Variants in NAA16 observed in about 807,000 individuals in gnomAD.
NAA16 encodes the protein N-alpha-acetyltransferase 16, NatA auxiliary subunit, also known as NARG1-like protein.
Under a neutral mutation model 110.3 loss-of-function variants are expected in NAA16, and 97 were observed. That is an observed-to-expected ratio of 0.88 (90% confidence interval 0.75 to 1.04). The LOEUF (loss-of-function observed/expected upper bound fraction) is 1.04, where lower values mean the gene tolerates loss of function less well. Among genes scored for constraint, NAA16 ranks in the 50% least tolerant of loss-of-function variants. The pLI, the probability that NAA16 is intolerant of heterozygous loss-of-function variation, is 0.00. For synonymous variants in NAA16, 372 were observed against 330.6 expected, an observed-to-expected ratio of 1.13 and a Z score of -1.36; for missense variants, 1,017 against 1,005.1, an observed-to-expected ratio of 1.01 and a Z score of -0.16.
At position 41,369,195 on chromosome 13, in the gene NAA16, A is replaced by C. The variant is rs1378850106; in HGVS notation, c.1859A>C (p.Gln620Pro). The change falls in exon 15 of 20, where the codon CAA becomes CCA. Residue 620 changes from glutamine to proline, a missense_variant. Transcript: ENST00000379406. Reference sequence around the variant, plus strand: ...AGAAAGCATGCAGAAAGAGAACGTCAACAGAAAAATCAAAAGAAAAAAAGA... The same window carrying C: ...AGAAAGCATGCAGAAAGAGAACGTCCACAGAAAAATCAAAAGAAAAAAAGA... ...EERKHAERER[Q>P]QKNQKKKRDE... 2 of 1,600,788 alleles carry C rather than the reference A, an allele frequency of 1.2e-6. No individual in the cohort carries two copies. Among genetic ancestry groups the C allele is most frequent in the Non-Finnish European group, 1.7e-6 (2 of 1,174,270 alleles).
chr13:41,358,354 C>G lies in NAA16; in HGVS notation c.1138C>G (p.Leu380Val). The part of the protein sequence containing the change: ...PTTLLWVQYF[L>V]AQHFDKLGQY... Reference sequence around the variant, plus strand: ...AACACTACTCTGGGTTCAGTATTTCCTGGCACAGCACTTTGATAAACTTGG... The same window carrying G: ...AACACTACTCTGGGTTCAGTATTTCGTGGCACAGCACTTTGATAAACTTGG... The change falls in exon 11 of 20, where the codon CTG (leucine) becomes GTG (valine). Residue 380 changes from leucine to valine, a missense_variant. Leu to Val is a conservative substitution (Grantham distance 32, BLOSUM62 1). Coordinates refer to ENST00000379406, the MANE Select transcript of NAA16 (RefSeq NM_024561.5). The G allele has an allele frequency of 2.5e-6, 4 of 1,613,928 alleles. No homozygotes were observed.
In NAA16 at chr13:41,336,668, T is replaced by C. The variant is rs1263656980; in HGVS notation, c.926T>C (p.Leu309Pro). The C allele has an allele frequency of 6.3e-7, 1 of 1,598,986 alleles. No homozygotes were observed. ...TTTCTAGGTGAAAGATTTAGAGAACTAATGGATAAGTTCCTGAGGGTTAAC... is the reference window on the plus strand; with the variant it reads ...TTTCTAGGTGAAAGATTTAGAGAACCAATGGATAAGTTCCTGAGGGTTAAC... ...TLVPGERFRELMDKFLRVNFS... is the reference protein window; with the variant it reads ...TLVPGERFREPMDKFLRVNFS... The change falls in exon 9 of 20, where the codon CTA becomes CCA. Residue 309 changes from leucine (L) to proline (P), a missense_variant. Coordinates refer to ENST00000379406, the MANE Select transcript of NAA16 (RefSeq NM_024561.5).
chr13:41,368,152 A>G (rs900367057), intron 14 of NAA16, among the ~76,000 whole-genome samples: 1 of 152,184 alleles, frequency 6.6e-6, no homozygotes, highest in Admixed American at 6.5e-5. Context: ...GAAAAAATAT[A>G]TAATCTTAAA....
intron 13 of NAA16, among the ~76,000 whole-genome samples, chr13:41,364,740 A>G (rs890954260): frequency 6.6e-6 from 1 of 152,184 alleles, no homozygotes; most frequent in Admixed American, 6.5e-5. Context: ...TCATAACTTT[A>G]TCTTCTATTG....
chr13:41,361,199 G>A (rs1389883313), intron 12 of NAA16, among the ~76,000 whole-genome samples: 2 of 152,064 alleles, frequency 1.3e-5, no homozygotes, highest in African/African-American at 4.8e-5. Context: ...TTTTTATTGA[G>A]CCTGAATTAA....
intron 9 of NAA16, among the ~76,000 whole-genome samples, chr13:41,339,434 T>G (rs1655183841): frequency 6.6e-6 from 1 of 151,776 alleles, no homozygotes; most frequent in South Asian, 2.1e-4. Context: ...CCACCGCGCC[T>G]GGCCGAAATG....
chr13:41,329,710 A>G (rs1475087510), intron 7 of NAA16, among the ~76,000 whole-genome samples: 1 of 151,976 alleles, frequency 6.6e-6, no homozygotes, highest in East Asian at 1.9e-4. Flanking sequence ...TTAAAATCAC[A>G]ATATTGATTA....
intron 8 of NAA16, 107 bp downstream of exon 8, chr13:41,331,476 C>G: frequency 1.4e-6 from 1 of 739,858 alleles, no homozygotes; most frequent in Non-Finnish European, 2.2e-6. Flanking sequence ...TTACAGCAGT[C>G]TTGGAGTTGG....
chr13:41,352,035 A>C (rs1246663737), intron 9 of NAA16, among the ~76,000 whole-genome samples: 1 of 152,214 alleles, frequency 6.6e-6, no homozygotes, highest in East Asian at 1.9e-4. Context: ...TGTTCACTTA[A>C]TTACTGAATG....
chr13:41,320,883 T>C, intron 4 of NAA16, 59 bp downstream of exon 4: 19 of 1,472,106 alleles, frequency 1.3e-5, no homozygotes, highest in Non-Finnish European at 1.7e-5. Flanking sequence ...TAAGAGCGTG[T>C]CATTTCAGAA....
Position 41,350,622 on chromosome 13 carries a change from TTGTTTG to T in NAA16, c.1015-4520_1015-4515del, listed in dbSNP as rs1190513963. Among the ~76,000 whole-genome samples the T allele has an allele frequency of 3.9e-4, 21 of 53,610 alleles. 1 individual carries two copies. Among genetic ancestry groups the T allele is most frequent in the African/African-American group, 2.0e-3 (17 of 8,430 alleles). 35.2% of individuals were successfully genotyped at this position (53,610 alleles called of 152,430 possible). A position where few individuals can be genotyped will look rare whatever the true frequency, so the allele number is the denominator to read the frequency against. On this transcript the variant is annotated intron_variant, in intron 9 of 19. Coordinates refer to ENST00000379406, the MANE Select transcript of NAA16 (RefSeq NM_024561.5). Reference sequence around the variant, plus strand: ...GTTTTTTTTTGTTTTTTTTTTTTGTTTGTTTGTTTTTTTTAAGATAAGAGTTTCACT... The same window carrying T: ...GTTTTTTTTTGTTTTTTTTTTTTGTTTTTTTTTTAAGATAAGAGTTTCACT...
intron 15 of NAA16, 58 bp from the exon 16 acceptor site, chr13:41,372,145 G>A: frequency 7.6e-7 from 1 of 1,323,782 alleles, no homozygotes; most frequent in South Asian, 1.6e-5. Flanking sequence ...AAAATTTTAG[G>A]GGAAATTTGA....
At chr13:41,322,956 A>G in intron 4 of NAA16, 100 bp from the exon 5 acceptor site, 1 of 1,049,602 alleles carries the variant, frequency 9.5e-7, no homozygotes, top group South Asian at 1.3e-5. Flanking sequence ...ATCTTTGTTG[A>G]TATAGTTCAT....
chr13:41,322,397 G>T (rs1427557767), intron 4 of NAA16, among the ~76,000 whole-genome samples: 1 of 152,176 alleles, frequency 6.6e-6, no homozygotes, highest in Non-Finnish European at 1.5e-5. Flanking sequence ...CTAGGGTGTG[G>T]CTGTGGGAGT....
In NAA16 at chr13:41,360,591, CT is replaced by C. The variant is rs950640907; in HGVS notation, c.1411-1436del. ...CATCATAACTGCCTCTGATCATCCACTTTTGACAAGTTGCCATGCTGTATGG... is the reference window on the plus strand; with the variant it reads ...CATCATAACTGCCTCTGATCATCCACTTTGACAAGTTGCCATGCTGTATGG... On this transcript the variant is annotated intron_variant, in intron 12 of 19. Coordinates refer to ENST00000379406, the MANE Select transcript of NAA16 (RefSeq NM_024561.5). Among the ~76,000 whole-genome samples the C allele has an allele frequency of 5.9e-5, 9 of 152,306 alleles. No individual in the cohort carries two copies. In the East Asian group the frequency reaches 1.3e-3, roughly 23 times the overall value.
At chr13:41,369,650 G>A (rs909033046) in intron 15 of NAA16, among the ~76,000 whole-genome samples, 14 of 152,124 alleles carry the variant, frequency 9.2e-5, no homozygotes, top group African/African-American at 3.1e-4. Flanking sequence ...TCCTAATATC[G>A]TCAAAAGGGG....
intron 1 of NAA16, among the ~76,000 whole-genome samples, chr13:41,315,323 G>A (rs1300861480): frequency 6.6e-6 from 1 of 152,202 alleles, no homozygotes; most frequent in East Asian, 1.9e-4. Flanking sequence ...AACACCCAGT[G>A]TGACTGAACA....
chr13:41,356,560 C>T (rs1183578965), intron 10 of NAA16, among the ~76,000 whole-genome samples: 1 of 151,746 alleles, frequency 6.6e-6, no homozygotes, highest in Non-Finnish European at 1.5e-5. Context: ...ATATCTGATA[C>T]CCAGTCCGCA....
At chr13:41,352,094 C>T (rs1366930694) in intron 9 of NAA16, among the ~76,000 whole-genome samples, 1 of 152,200 alleles carries the variant, frequency 6.6e-6, no homozygotes, top group Non-Finnish European at 1.5e-5. Flanking sequence ...GTAATCCTAG[C>T]ACTTTAGGAG....
Sources: gnomAD v4.1 joint callset for allele counts (sites outside exome capture counted in the v4.1 genomes callset) on GRCh38, gnomAD v4.1.1 for gene constraint, MANE v1.5 for transcripts, NCBI Gene and HGNC (gene_info 2026-07-23, HGNC 2026-07-21) for gene names.